GLG1: variants seen among roughly 807,000 people sequenced by gnomAD.
GLG1 encodes the protein golgi glycoprotein 1.
A neutral mutation model predicts 160.5 loss-of-function variants in GLG1; 38 were observed. That is an observed-to-expected ratio of 0.24 (90% CI 0.18 to 0.31). The LOEUF is 0.31. Among genes scored for constraint, GLG1 ranks in the 10% least tolerant of loss-of-function variants. The pLI is 1.00. For synonymous variants in GLG1, 644 were observed against 543.4 expected (o/e 1.19, Z -2.57); for missense variants, 1,373 against 1,505.2 (o/e 0.91, Z 1.45).
chr16:74,537,261 C>T (rs1029235549), intron 1 of GLG1, among the ~76,000 whole-genome samples: 4 of 152,034 alleles, frequency 2.6e-5, no homozygotes, highest in Non-Finnish European at 5.9e-5. Flanking sequence ...ATAAATGATA[C>T]AGCAAACAAA....
rs953367046 is a variant in GLG1, at chr16:74,607,111, G to A, written c.-17C>T. The A allele has an allele frequency of 2.0e-6, 3 of 1,511,746 alleles. No individual in the cohort carries two copies. Among genetic ancestry groups the A allele is most frequent in the Admixed American group, 4.2e-5 (2 of 47,244 alleles). 93.6% of individuals were successfully genotyped at this position (1,511,746 alleles called of 1,614,324 possible). On this transcript the variant is annotated 5_prime_UTR_variant, in exon 1 of 26. Coordinates refer to ENST00000422840, the MANE Select transcript of GLG1 (RefSeq NM_001145667.2). The stretch of plus-strand genomic sequence containing the variant: ...CGCCGCCATCTTGAGTCCGCGGCGA[G>A]CTCGACGCACTCGCCGGCGCCGCGT...
intron 2 of GLG1, among the ~76,000 whole-genome samples, chr16:74,515,497 C>CA (rs1477311228): frequency 6.6e-6 from 1 of 152,106 alleles, no homozygotes; most frequent in East Asian, 1.9e-4. Flanking sequence ...ATATCTCACT[C>CA]AAAACCGCAC....
At chr16:74,555,744 C>G (rs2018333556) in intron 1 of GLG1, among the ~76,000 whole-genome samples, 1 of 150,994 alleles carries the variant, frequency 6.6e-6, no homozygotes, top group Non-Finnish European at 1.5e-5. Context: ...GTTTCAGGAA[C>G]AATTAGCCTA....
At chr16:74,522,489 G>C (rs1479228346) in intron 2 of GLG1, among the ~76,000 whole-genome samples, 2 of 152,010 alleles carry the variant, frequency 1.3e-5, no homozygotes, top group Middle Eastern at 6.3e-3. Flanking sequence ...CCTTTTCATT[G>C]TTTTTAGTTC....
intron 3 of GLG1, 108 bp downstream of exon 3, chr16:74,508,731 T>C: frequency 1.6e-6 from 1 of 617,428 alleles, no homozygotes; most frequent in Admixed American, 2.5e-5. Flanking sequence ...AAGACAGATG[T>C]GAATTCTAAG....
At chr16:74,468,803 G>GT (rs2015094619) in intron 17 of GLG1, 143 bp downstream of exon 17, 3 of 647,170 alleles carry the variant, frequency 4.6e-6, no homozygotes, top group Non-Finnish European at 8.5e-6. Flanking sequence ...GCTAATGGTC[G>GT]TATGTTAAAA....
chr16:74,532,574 C>CA (rs1180292796), intron 1 of GLG1, among the ~76,000 whole-genome samples: 1 of 151,804 alleles, frequency 6.6e-6, no homozygotes, highest in Non-Finnish European at 1.5e-5. Flanking sequence ...CCCAGGCTGC[C>CA]ATGCAGTGGC....
At chr16:74,564,497 G>GT (rs1225821248) in intron 1 of GLG1, among the ~76,000 whole-genome samples, 1 of 152,162 alleles carries the variant, frequency 6.6e-6, no homozygotes, top group Non-Finnish European at 1.5e-5. Flanking sequence ...AGCCATCTAT[G>GT]TAAGTTCAAA....
chr16:74,502,730 T>A (rs889593181), intron 4 of GLG1, among the ~76,000 whole-genome samples: 1 of 140,950 alleles, frequency 7.1e-6, no homozygotes, highest in East Asian at 2.0e-4. Context: ...TGGTTTTTTT[T>A]TTTTTTTTTT....
At chr16:74,592,986 T>G (rs928811860) in intron 1 of GLG1, among the ~76,000 whole-genome samples, 1 of 152,032 alleles carries the variant, frequency 6.6e-6, no homozygotes, top group Non-Finnish European at 1.5e-5. Context: ...GGGAGTGGGG[T>G]TCTGATAAAA....
intron 1 of GLG1, among the ~76,000 whole-genome samples, chr16:74,596,976 T>G (rs1245361834): frequency 1.3e-5 from 2 of 151,858 alleles, no homozygotes; most frequent in Non-Finnish European, 2.9e-5. Context: ...CTTTTAAAAT[T>G]AACCGAGTAT....
intron 3 of GLG1, among the ~76,000 whole-genome samples, chr16:74,506,473 T>C (rs1189006777): frequency 6.7e-6 from 1 of 149,270 alleles, no homozygotes; most frequent in East Asian, 2.0e-4. Flanking sequence ...TCCCAGCTAC[T>C]TGGGAGGCTG....
chr16:74,494,098 C>T (rs1051725909), intron 6 of GLG1, among the ~76,000 whole-genome samples: 3 of 151,802 alleles, frequency 2.0e-5, no homozygotes, highest in African/African-American at 7.3e-5. Flanking sequence ...TTGCTTGAAC[C>T]CGGCAGGCAG....
intron 22 of GLG1, among the ~76,000 whole-genome samples, chr16:74,461,207 G>A (rs896351464): frequency 3.4e-5 from 5 of 146,598 alleles, no homozygotes; most frequent in Admixed American, 2.1e-4. Flanking sequence ...TCGCTCTGTC[G>A]CCCAGGCTGG....
intron 16 of GLG1, 57 bp downstream of exon 16, chr16:74,469,928 T>C (rs1038019786): frequency 3.3e-5 from 36 of 1,103,726 alleles, no homozygotes; most frequent in Admixed American, 2.5e-4. Flanking sequence ...CGCATACTCA[T>C]TCCGGAGCTA....
Position 74,602,760 on chromosome 16 carries a change from G to A in GLG1, c.438+3897C>T, listed in dbSNP as rs151275233. 4.0e-5 allele frequency among the ~76,000 whole-genome samples: 6 copies of A among 151,396 alleles called. No individual in the cohort carries two copies. The South Asian group carries it at 6.3e-4, about 16-fold the overall frequency. ...ATCGTGCCCCTGCACTCCAGCCTGG[G>A]TGACAGAGTGAGACTCTGTCTCTCA... On this transcript the variant is annotated intron_variant, in intron 1 of 25. Transcript: ENST00000422840.
chr16:74,517,904 T>C (rs915523207), intron 2 of GLG1, among the ~76,000 whole-genome samples: 2 of 151,988 alleles, frequency 1.3e-5, no homozygotes, highest in Non-Finnish European at 2.9e-5. Flanking sequence ...TATAAATCAA[T>C]AACAGACAAA....
intron 12 of GLG1, 38 bp downstream of exon 12, chr16:74,477,358 T>C (rs2015419943): frequency 1.3e-6 from 2 of 1,501,428 alleles, no homozygotes; most frequent in Non-Finnish European, 1.9e-6. Flanking sequence ...ATTAACATCA[T>C]CATTATTGTA....
chr16:74,568,633 G>A (rs1221724290), intron 1 of GLG1, among the ~76,000 whole-genome samples: 2 of 152,030 alleles, frequency 1.3e-5, no homozygotes, highest in Non-Finnish European at 2.9e-5. Flanking sequence ...GGCCAGGCTG[G>A]TCTAGAACTC....
Sources: gnomAD v4.1 joint callset for allele counts (sites outside exome capture counted in the v4.1 genomes callset) on GRCh38, gnomAD v4.1.1 for gene constraint, MANE v1.5 for transcripts, NCBI Gene and HGNC (gene_info 2026-07-23, HGNC 2026-07-21) for gene names.